Variants in PI16 observed in about 807,000 individuals in gnomAD.
PI16 encodes the protein PSP94-binding protein.
PI16 carries 35 observed loss-of-function variants against 38.0 expected under a neutral mutation model. That is an observed-to-expected ratio of 0.92 (90% CI 0.70 to 1.22). The LOEUF (loss-of-function observed/expected upper bound fraction) is 1.22. Among genes scored for constraint, PI16 ranks in the 50% most tolerant of loss-of-function variants. The pLI is 0.00. For missense variants in PI16, 572 were observed against 593.8 expected, an observed-to-expected ratio of 0.96 and a Z score of 0.38; for synonymous variants, 275 against 252.9, an observed-to-expected ratio of 1.09 and a Z score of -0.83.
chr6:36,963,274 C>T lies in PI16; in HGVS notation c.932C>T (p.Thr311Ile). The change falls in exon 5 of 7, where the codon ACC becomes ATC. Residue 311 changes from threonine (T) to isoleucine (I), a missense_variant. Transcript: ENST00000373674. ...GAGCCAGTTACCTTCCCCAAATCGA[C>T]CCATGTTCCTATCCCAAAATCAGCA... ...DEEPVTFPKSTHVPIPKSADK... is the reference protein window; with the variant it reads ...DEEPVTFPKSIHVPIPKSADK... 1 of 1,614,246 alleles carries T rather than the reference C, an allele frequency of 6.2e-7. No individual in the cohort carries two copies.
At chr6:36,958,737 C>A (rs993405815) in intron 1 of PI16, among the ~76,000 whole-genome samples, 1 of 152,052 alleles carries the variant, frequency 6.6e-6, no homozygotes, top group African/African-American at 2.4e-5. Flanking sequence ...AACAACCCAG[C>A]CCCTCAACAT....
Position 36,963,271 on chromosome 6 carries a change from C to T in PI16, c.929C>T (p.Ser310Leu), listed in dbSNP as rs1012324022. ...LDEEPVTFPK[S>L]THVPIPKSAD... ...GAGGAGCCAGTTACCTTCCCCAAAT[C>T]GACCCATGTTCCTATCCCAAAATCA... is the stretch of plus-strand genomic sequence containing the variant. The change falls in exon 5 of 7, where the codon TCG becomes TTG. Residue 310 changes from serine to leucine, a missense_variant. Physicochemically the swap from Ser to Leu is moderately radical, Grantham distance 145. Transcript: ENST00000373674. 5.0e-6 allele frequency: 8 copies of T among 1,614,104 alleles called. No homozygotes were observed. The highest frequency in any genetic ancestry group is 1.7e-6 in the Non-Finnish European group (2 of 1,180,052).
At chr6:36,954,021 G>C (rs780458406), upstream of PI16, among the ~76,000 whole-genome samples, 8 of 152,284 alleles carry the variant, frequency 5.3e-5, no homozygotes, top group Non-Finnish European at 7.4e-5. Context: ...AGCTAGAGTG[G>C]GGAAGACCTT....
chr6:36,963,866 C>G lies in PI16; in HGVS notation c.1314C>G (p.Asn438Lys). The G allele has an allele frequency of 1.2e-6, 2 of 1,613,578 alleles. No individual in the cohort carries two copies. The highest frequency in any genetic ancestry group is 1.7e-6 in the Non-Finnish European group (2 of 1,179,780). Residue 438 changes from asparagine to lysine, a missense_variant, in exon 6 of 7, where the codon AAC becomes AAG. Asn to Lys is a moderately conservative substitution (Grantham distance 94). Transcript: ENST00000373674. ...AGCCTAGCGTCGTGTCAGGGCTGAA[C>G]TCGGGCCCTGGTCATGTGTGGGGCC... ...PDKPSVVSGL[N>K]SGPGHVWGPL... is the part of the protein sequence containing the mutation.
chr6:36,949,610 G>A (rs183926699), intron 1 of PI16, among the ~76,000 whole-genome samples: 32 of 152,186 alleles, frequency 2.1e-4, no homozygotes, highest in African/African-American at 6.3e-4. Context: ...CTCAAATAGC[G>A]TCCCTTTCTC....
chr6:36,963,164 C>T lies in PI16; in HGVS notation c.822C>T (p.Pro274=), dbSNP rs1240780802. The T allele has an allele frequency of 9.9e-6, 16 of 1,614,104 alleles. No homozygotes were observed. The highest frequency in any genetic ancestry group is 1.3e-5 in the Non-Finnish European group (15 of 1,180,036). ...APTSLATKDP[P]SMATEAPPCV... is the part of the protein sequence containing the mutation. Reference sequence around the variant, plus strand: ...CTTCCTTAGCAACGAAAGACCCGCCCTCCATGGCAACAGAGGCTCCACCTT... The same window carrying T: ...CTTCCTTAGCAACGAAAGACCCGCCTTCCATGGCAACAGAGGCTCCACCTT... Residue 274 remains proline, a synonymous_variant, in exon 5 of 7, where the codon CCC becomes CCT. Coordinates refer to ENST00000373674, the MANE Select transcript of PI16 (RefSeq NM_153370.3).
chr6:36,955,005 C>A (rs1763167605), intron 1 of PI16, 74 bp downstream of exon 1: 9 of 1,502,200 alleles, frequency 6.0e-6, no homozygotes, highest in Admixed American at 4.6e-5. Context: ...GGCTCTCTTA[C>A]CCTGCTCCTC....
intron 1 of PI16, among the ~76,000 whole-genome samples, chr6:36,956,183 C>T (rs1336979065): frequency 6.6e-6 from 1 of 152,162 alleles, no homozygotes; most frequent in Non-Finnish European, 1.5e-5. Flanking sequence ...TAAGAAAGAT[C>T]TAGGAAGAGC....
chr6:36,963,930 G>C lies in PI16; in HGVS notation c.1378G>C (p.Ala460Pro). ...ACTGCTCCTGCCTCCTCTGGTGTTG[G>C]CTGGAATCTTCTGAAGGGGATACCA... ...GLLLLPPLVL[A>P]GIF Residue 460 changes from alanine to proline, a missense_variant, in exon 6 of 7, where the codon GCT (alanine) becomes CCT (proline). By Grantham distance (27) the Ala-to-Pro change is conservative (BLOSUM62 -1). Transcript: ENST00000373674. 2 of 1,613,284 alleles carry C rather than the reference G, an allele frequency of 1.2e-6. No homozygotes were observed. The highest frequency in any genetic ancestry group is 8.5e-7 in the Non-Finnish European group (1 of 1,179,708).
chr6:36,953,010 T>G (rs1401009370), upstream of PI16, among the ~76,000 whole-genome samples: 1 of 152,190 alleles, frequency 6.6e-6, no homozygotes, highest in Non-Finnish European at 1.5e-5. Flanking sequence ...ACAAGTCTTT[T>G]GCTTCCTTGG....
At position 36,962,921 on chromosome 6, in the gene PI16, G is replaced by C; in HGVS notation, c.593-14G>C. 1 of 1,595,628 alleles carries C rather than the reference G, an allele frequency of 6.3e-7. No individual in the cohort carries two copies. Among genetic ancestry groups the C allele is most frequent in the Non-Finnish European group, 8.6e-7 (1 of 1,169,120 alleles). Reference sequence around the variant, plus strand: ...GCTTGCAGCACTCATGCCCGTTCTCGTCTGTCTTATCAGAACCCATCGGAA... The same window carrying C: ...GCTTGCAGCACTCATGCCCGTTCTCCTCTGTCTTATCAGAACCCATCGGAA... On this transcript the variant is annotated splice_polypyrimidine_tract_variant and intron_variant, in intron 4 of 6. Transcript: ENST00000373674. The surrounding 1 kb of genome is among the most constrained non-coding windows in gnomAD (Gnocchi z 4.1).
upstream of PI16, among the ~76,000 whole-genome samples, chr6:36,951,838 T>A (rs967033793): frequency 4.0e-5 from 6 of 151,898 alleles, no homozygotes; most frequent in African/African-American, 1.5e-4. Flanking sequence ...AGGCGGAGGT[T>A]GCAGTAGCCA....
chr6:36,957,809 A>G (rs1763245788), intron 1 of PI16, among the ~76,000 whole-genome samples: 1 of 152,178 alleles, frequency 6.6e-6, no homozygotes, highest in Non-Finnish European at 1.5e-5. Context: ...AGCACCTACT[A>G]TGTGCCAGCA....
chr6:36,964,622 G>A lies in PI16; in HGVS notation c.*255G>A, dbSNP rs1763463294. On this transcript the variant is annotated 3_prime_UTR_variant, in exon 7 of 7. Coordinates refer to ENST00000373674, the MANE Select transcript of PI16 (RefSeq NM_153370.3). ...CCCTCCTGAGTCCTGGGGGTGGGAG[G>A]ATTTGAGGGAGCTCACTGCCTACCT... 1 of 152,524 alleles carries A rather than the reference G, an allele frequency of 6.6e-6. No individual in the cohort carries two copies. The highest frequency in any genetic ancestry group is 6.5e-5 in the Admixed American group (1 of 15,282). The allele number at this position is 152,524 out of a possible 1,614,324, so 9.4% of individuals were successfully genotyped here.
chr6:36,957,668 C>T (rs980476259), intron 1 of PI16, among the ~76,000 whole-genome samples: 4 of 152,148 alleles, frequency 2.6e-5, no homozygotes. Context: ...ATCCTTAAGA[C>T]CAAAGCAATG....
intron 2 of PI16, among the ~76,000 whole-genome samples, chr6:36,960,325 A>ATATGTG (rs758800895): frequency 2.9e-5 from 4 of 139,918 alleles, no homozygotes; most frequent in African/African-American, 1.1e-4. Context: ...TGCAGATAAG[A>ATATGTG]TGTGTGTGTG....
chr6:36,963,706 A>G, intron 5 of PI16, 94 bp downstream of exon 5: 1 of 1,542,816 alleles, frequency 6.5e-7, no homozygotes, highest in Non-Finnish European at 8.8e-7. Context: ...TGGGGCATGC[A>G]CCCTCTGAGT....
rs1763284030 is a variant in PI16, at chr6:36,959,204, C to T, written c.231C>T (p.Gly77=). The T allele has an allele frequency of 6.2e-7, 1 of 1,611,374 alleles. No individual in the cohort carries two copies. The highest frequency in any genetic ancestry group is 8.5e-7 in the Non-Finnish European group (1 of 1,179,400). ...CCTACGCACGGCAGTGCGTGTGGGG[C>T]CACAACAAGGAGCGCGGGCGCCGCG... is the stretch of plus-strand genomic sequence containing the variant. ...AKAYARQCVW[G]HNKERGRRGE... The change falls in exon 2 of 7, where the codon GGC becomes GGT. Residue 77 remains glycine (G), a synonymous_variant. Transcript: ENST00000373674.
intron 2 of PI16, 119 bp from the exon 3 acceptor site, chr6:36,961,332 A>C (rs1234248189): frequency 8.6e-6 from 7 of 813,110 alleles, no homozygotes; most frequent in Non-Finnish European, 1.5e-5. Context: ...GGGGACGTGG[A>C]TGTCACAGGC....
Sources: allele counts gnomAD v4.1 joint callset (sites outside exome capture counted in the v4.1 genomes callset), GRCh38; gene constraint gnomAD v4.1.1; non-coding constraint Gnocchi (gnomAD v3.1); transcripts MANE v1.5; gene names NCBI Gene and HGNC (gene_info 2026-07-23, HGNC 2026-07-21).